The following B3GLCT variants were observed in gnomAD, a reference collection of about 807,000 sequenced individuals.
The protein encoded by B3GLCT is beta 3-glucosyltransferase.
B3GLCT carries 65 observed loss-of-function variants against 63.4 expected under a neutral mutation model. The observed-to-expected ratio is 1.03, with a 90% CI of 0.84 to 1.26. The LOEUF is 1.26. Ranked by LOEUF, B3GLCT falls within the 50% of genes most tolerant of loss-of-function variation. The pLI is 0.00. For missense variants in B3GLCT, 577 were observed against 604.8 expected (o/e 0.95, Z 0.48); for synonymous variants, 233 against 219.2 (o/e 1.06, Z -0.55).
intron 12 of B3GLCT, among the ~76,000 whole-genome samples, chr13:31,291,123 C>T (rs553478663): frequency 1.3e-4 from 20 of 151,554 alleles, no homozygotes; most frequent in Admixed American, 4.6e-4. Flanking sequence ...TGCTTGTTTT[C>T]GTCAGGTTTG....
chr13:31,224,943 A>C (rs918791219), intron 3 of B3GLCT, among the ~76,000 whole-genome samples: 7 of 152,226 alleles, frequency 4.6e-5, no homozygotes, highest in Non-Finnish European at 8.8e-5. Flanking sequence ...AACTGAAGAC[A>C]TAGAGAGCAT....
chr13:31,245,272 A>G (rs973514139), intron 4 of B3GLCT, among the ~76,000 whole-genome samples: 6 of 152,162 alleles, frequency 3.9e-5, no homozygotes, highest in Non-Finnish European at 5.9e-5. Context: ...TATCAAAGGA[A>G]GCCTTTTCTC....
intron 7 of B3GLCT, among the ~76,000 whole-genome samples, chr13:31,262,890 C>T (rs1407551667): frequency 1.3e-5 from 2 of 152,158 alleles, no homozygotes; most frequent in African/African-American, 2.4e-5. Flanking sequence ...AGAAGTCCCA[C>T]GTGGCTGTGA....
In B3GLCT at chr13:31,247,869, A is replaced by G; in HGVS notation, c.362A>G (p.Tyr121Cys). 1.9e-6 allele frequency: 3 copies of G among 1,580,624 alleles called. No individual in the cohort carries two copies. Among genetic ancestry groups the G allele is most frequent in the South Asian group, 1.1e-5 (1 of 90,332 alleles). ...LPLLPHFSVTYSRNSSWIFFC... is the reference protein window; with the variant it reads ...LPLLPHFSVTCSRNSSWIFFC... The stretch of plus-strand genomic sequence containing the variant: ...CTTTTGGTCAGTTTTTCTGTAACAT[A>G]TAGCAGAAATTCATCTTGGATTTTC... Residue 121 changes from tyrosine (Y) to cysteine (C), a missense_variant, in exon 6 of 15, where the codon TAT becomes TGT. Tyr to Cys is a radical substitution (Grantham distance 194, BLOSUM62 -2). Transcript: ENST00000343307.
chr13:31,317,761 A>C, intron 13 of B3GLCT, 76 bp downstream of exon 13: 2 of 1,577,876 alleles, frequency 1.3e-6, no homozygotes, highest in Non-Finnish European at 1.7e-6. Context: ...GGTCTCTGGC[A>C]CTGGGATCTA....
intron 11 of B3GLCT, 104 bp from the exon 12 acceptor site, chr13:31,286,616 G>A: frequency 1.3e-6 from 1 of 766,404 alleles, no homozygotes; most frequent in Non-Finnish European, 2.1e-6. Flanking sequence ...GCTGCATTTT[G>A]GCATGTAAGC....
intron 12 of B3GLCT, among the ~76,000 whole-genome samples, chr13:31,316,431 A>ATATATATATATATATAT (rs1555255278): frequency 3.9e-3 from 430 of 109,936 alleles, no homozygotes; most frequent in Non-Finnish European, 5.0e-3. Context: ...ATATATATAT[A>ATATATATATATATATAT]AATTTTTTTT....
At chr13:31,206,794 T>A (rs918224374) in intron 1 of B3GLCT, among the ~76,000 whole-genome samples, 1 of 152,042 alleles carries the variant, frequency 6.6e-6, no homozygotes, top group Non-Finnish European at 1.5e-5. Context: ...AGTAAGGAGT[T>A]GTTCTGGAGA....
intron 12 of B3GLCT, among the ~76,000 whole-genome samples, chr13:31,314,218 G>T (rs953617033): frequency 6.6e-6 from 1 of 152,186 alleles, no homozygotes; most frequent in African/African-American, 2.4e-5. Flanking sequence ...CCCTACTGGG[G>T]CACCACCTAG....
At chr13:31,234,256 G>A (rs913289796) in intron 4 of B3GLCT, among the ~76,000 whole-genome samples, 39 of 151,978 alleles carry the variant, frequency 2.6e-4, no homozygotes, top group African/African-American at 9.4e-4. Flanking sequence ...TCCTGACCTC[G>A]TAATCTTCCT....
rs151211602 is a variant in B3GLCT at position 31,295,221 on chromosome 13, C to G, written c.1064+8402C>G. ...CAGACGGGCACGCGCCAGATGTCAGCTGGAGCTCTGCTGTATGAGGAGTCT... is the reference window on the plus strand; with the variant it reads ...CAGACGGGCACGCGCCAGATGTCAGGTGGAGCTCTGCTGTATGAGGAGTCT... On this transcript the variant is annotated intron_variant, in intron 12 of 14. Coordinates refer to ENST00000343307, the MANE Select transcript of B3GLCT (RefSeq NM_194318.4). 5.3e-3 allele frequency among the ~76,000 whole-genome samples: 806 copies of G among 152,314 alleles called. 6 individuals carry two copies. Among genetic ancestry groups the G allele is most frequent in the Non-Finnish European group, 9.0e-3 (614 of 68,024 alleles).
chr13:31,222,889 CA>C, intron 2 of B3GLCT, 62 bp from the exon 3 acceptor site: 1 of 1,085,788 alleles, frequency 9.2e-7, no homozygotes. Context: ...CATGTTTACT[CA>C]GTGTACTGCT....
chr13:31,238,202 C>T (rs1158195632), intron 4 of B3GLCT, among the ~76,000 whole-genome samples: 2 of 152,280 alleles, frequency 1.3e-5, no homozygotes, highest in Middle Eastern at 3.4e-3. Flanking sequence ...GCCTGTTTTG[C>T]CTCAAGGTGC....
In B3GLCT at chr13:31,200,138, C is replaced by T. The variant is rs778236602; in HGVS notation, c.54C>T (p.Leu18=). Residue 18 remains leucine (L), a synonymous_variant, in exon 1 of 15, where the codon CTC becomes CTT. Coordinates refer to ENST00000343307, the MANE Select transcript of B3GLCT (RefSeq NM_194318.4). Reference sequence around the variant, plus strand: ...TCGCGCCGCCGGCGCTGCTCGCGCTCCTCACCTGCTCCCTGGGTAAGTAGC... The same window carrying T: ...TCGCGCCGCCGGCGCTGCTCGCGCTTCTCACCTGCTCCCTGGGTAAGTAGC... ...WLLAPPALLA[L]LTCSLAFGLA... 3 of 1,367,272 alleles carry T rather than the reference C, an allele frequency of 2.2e-6. No homozygotes were observed. The highest frequency in any genetic ancestry group is 2.8e-5 in the South Asian group (2 of 70,316). The allele number at this position is 1,367,272 out of a possible 1,614,324, so 84.7% of individuals were successfully genotyped here.
At chr13:31,246,760 C>A (rs947477122) in intron 4 of B3GLCT, among the ~76,000 whole-genome samples, 2 of 152,042 alleles carry the variant, frequency 1.3e-5, no homozygotes, top group Non-Finnish European at 2.9e-5. Flanking sequence ...AGGTCTTGAG[C>A]TCTATTTGGG....
chr13:31,273,710 C>T (rs1190168182), intron 8 of B3GLCT, among the ~76,000 whole-genome samples: 1 of 152,106 alleles, frequency 6.6e-6, no homozygotes, highest in Non-Finnish European at 1.5e-5. Context: ...TAAGGATTTA[C>T]ATTAGCTTCT....
At chr13:31,247,178 G>A in intron 5 of B3GLCT, 79 bp downstream of exon 5, 1 of 1,175,934 alleles carries the variant, frequency 8.5e-7, no homozygotes, top group Non-Finnish European at 1.3e-6. Context: ...TTTATTAAGA[G>A]GGTGTGGTTT....
chr13:31,273,774 T>A (rs569173498), intron 8 of B3GLCT, among the ~76,000 whole-genome samples: 1 of 152,340 alleles, frequency 6.6e-6, no homozygotes, highest in East Asian at 1.9e-4. Context: ...CAGTTTGAGA[T>A]GTTTTGGGAC....
intron 1 of B3GLCT, among the ~76,000 whole-genome samples, chr13:31,200,645 C>T (rs1327244518): frequency 6.6e-6 from 1 of 151,856 alleles, no homozygotes; most frequent in Non-Finnish European, 1.5e-5. Flanking sequence ...CGAGGCGGCC[C>T]TCGAGGCCCC....
Sources: gnomAD v4.1 joint callset for allele counts (sites outside exome capture counted in the v4.1 genomes callset) on GRCh38, gnomAD v4.1.1 for gene constraint, MANE v1.5 for transcripts, NCBI Gene and HGNC (gene_info 2026-07-23, HGNC 2026-07-21) for gene names.